The following VWA3B variants were observed in gnomAD, a reference collection of about 807,000 sequenced individuals.
VWA3B encodes the protein von Willebrand factor A domain-containing protein 3B.
Under a neutral mutation model 158.3 loss-of-function variants are expected in VWA3B, and 138 were observed. That is an observed-to-expected ratio of 0.87 (90% confidence interval 0.76 to 1.00). VWA3B has a LOEUF of 1.00. VWA3B is among the 50% of genes least tolerant of loss of function. The probability of loss-of-function intolerance (pLI) is 0.00; values close to 1 mark genes in which losing one functional copy is unlikely to be tolerated. For missense variants in VWA3B, 1,555 were observed against 1,565.1 expected (o/e 0.99, Z 0.11); for synonymous variants, 596 against 587.3 (o/e 1.01, Z -0.21).
intron 2 of VWA3B, among the ~76,000 whole-genome samples, chr2:98,099,950 C>T (rs1682970257): frequency 2.6e-5 from 4 of 152,010 alleles, no homozygotes; most frequent in African/African-American, 7.2e-5. Flanking sequence ...ATTCTGGTAA[C>T]TTATGGTTTT....
At chr2:98,232,100 C>CATGG (rs1247467688) in intron 16 of VWA3B, among the ~76,000 whole-genome samples, 1 of 152,164 alleles carries the variant, frequency 6.6e-6, no homozygotes, top group Non-Finnish European at 1.5e-5. Context: ...GTAGAGTTAT[C>CATGG]ATGGAGCCAT....
intron 7 of VWA3B, among the ~76,000 whole-genome samples, chr2:98,156,252 T>C (rs918961907): frequency 5.9e-5 from 9 of 152,194 alleles, no homozygotes; most frequent in Admixed American, 5.2e-4. Flanking sequence ...TCCAAGTAGA[T>C]TGTCCTACTG....
At chr2:98,180,471 C>T (rs938800180) in intron 8 of VWA3B, among the ~76,000 whole-genome samples, 8 of 152,242 alleles carry the variant, frequency 5.3e-5, no homozygotes, top group African/African-American at 9.6e-5. Flanking sequence ...GGATTATTGG[C>T]GTGAGCCACC....
chr2:98,163,130 T>G (rs563641804), intron 8 of VWA3B, among the ~76,000 whole-genome samples, 154 bp downstream of exon 8: 1 of 150,750 alleles, frequency 6.6e-6, no homozygotes, highest in African/African-American at 2.4e-5. Flanking sequence ...GGGTGAGGGG[T>G]GGGGAGGGGG....
At chr2:98,163,193 G>T (rs1678779376) in intron 8 of VWA3B, among the ~76,000 whole-genome samples, 1 of 152,134 alleles carries the variant, frequency 6.6e-6, no homozygotes. Context: ...GTGCTCACAT[G>T]TGTGCATATG....
chr2:98,284,227 C>G (rs991004886), intron 22 of VWA3B, among the ~76,000 whole-genome samples: 5 of 152,208 alleles, frequency 3.3e-5, no homozygotes, highest in Admixed American at 3.3e-4. Flanking sequence ...TGTAAGAGAC[C>G]TTAACCCCTC....
chr2:98,262,399 A>G (rs554128319), intron 21 of VWA3B, among the ~76,000 whole-genome samples: 2 of 151,904 alleles, frequency 1.3e-5, no homozygotes, highest in East Asian at 3.9e-4. Context: ...TTCTTCTAGG[A>G]GTTGTATAGG....
chr2:98,133,995 C>T (rs754106119), intron 7 of VWA3B, 56 bp downstream of exon 7: 26 of 1,435,756 alleles, frequency 1.8e-5, no homozygotes, highest in Non-Finnish European at 2.6e-5. Flanking sequence ...CCTCAGACGA[C>T]GTGGATCATT....
chr2:98,303,060 T>C (rs1349588649), intron 25 of VWA3B, among the ~76,000 whole-genome samples: 1 of 152,176 alleles, frequency 6.6e-6, no homozygotes, highest in African/African-American at 2.4e-5. Flanking sequence ...TTCCCCTTCC[T>C]GATGTGTGGG....
At chr2:98,313,876 A>G (rs1048410212), downstream of VWA3B, among the ~76,000 whole-genome samples, 3 of 152,250 alleles carry the variant, frequency 2.0e-5, no homozygotes, top group Admixed American at 6.5e-5. Context: ...TGATGTGTTC[A>G]ATGATAGTGC....
At chr2:98,107,250 G>A (rs911947397) in intron 2 of VWA3B, among the ~76,000 whole-genome samples, 2 of 151,784 alleles carry the variant, frequency 1.3e-5, no homozygotes, top group Admixed American at 6.6e-5. Context: ...GTTGTGTTAC[G>A]GATTTTTGCA....
chr2:98,153,787 A>G (rs1375313248), intron 7 of VWA3B, among the ~76,000 whole-genome samples: 6 of 152,238 alleles, frequency 3.9e-5, no homozygotes, highest in Non-Finnish European at 8.8e-5. Flanking sequence ...CCACGTTGCA[A>G]CTGACAAGGC....
chr2:98,260,188 T>A (rs1166179908), intron 21 of VWA3B, among the ~76,000 whole-genome samples: 1 of 151,810 alleles, frequency 6.6e-6, no homozygotes, highest in Non-Finnish European at 1.5e-5. Context: ...TAATGTATAT[T>A]CTGATGTTGC....
chr2:98,145,080 T>C (rs574720092), intron 7 of VWA3B, among the ~76,000 whole-genome samples: 22 of 152,292 alleles, frequency 1.4e-4, no homozygotes, highest in Middle Eastern at 3.4e-3. Context: ...GCCCCCAAAA[T>C]TCTTTTTTGA....
chr2:98,234,285 C>T (rs983933532), intron 16 of VWA3B, among the ~76,000 whole-genome samples: 10 of 152,206 alleles, frequency 6.6e-5, no homozygotes, highest in Non-Finnish European at 1.3e-4. Context: ...TGTGCTATTA[C>T]TGTCTTGAAG....
chr2:98,284,302 G>A (rs1226333858), intron 22 of VWA3B, among the ~76,000 whole-genome samples: 7 of 152,090 alleles, frequency 4.6e-5, no homozygotes, highest in Admixed American at 6.6e-5. Context: ...GTTATAAACC[G>A]TATTTCCGCT....
At position 98,236,577 on chromosome 2, in the gene VWA3B, T is replaced by A. The variant is rs1574160737; in HGVS notation, c.2520T>A (p.Ser840=). The A allele has an allele frequency of 6.2e-7, 1 of 1,614,220 alleles. No homozygotes were observed. The highest frequency in any genetic ancestry group is 2.2e-5 in the East Asian group (1 of 44,880). The change falls in exon 19 of 28, where the codon TCT becomes TCA. Residue 840 remains serine, a synonymous_variant. Coordinates refer to ENST00000477737, the MANE Select transcript of VWA3B (RefSeq NM_144992.5). ...CACCACCTCCTTGTGTTCTTAGTTC[T>A]TCAGATGTGTCTTCAGAAAACTGGC... ...REGSQVYDHD[S]SDVSSENWLK...
chr2:98,104,380 T>C (rs1287142554), intron 2 of VWA3B, among the ~76,000 whole-genome samples: 1 of 152,180 alleles, frequency 6.6e-6, no homozygotes, highest in African/African-American at 2.4e-5. Context: ...AGAGTTGGTG[T>C]GTGCAGATCA....
intron 8 of VWA3B, among the ~76,000 whole-genome samples, chr2:98,163,334 T>G (rs1250072046): frequency 2.0e-5 from 3 of 152,050 alleles, no homozygotes; most frequent in Non-Finnish European, 4.4e-5. Context: ...GGTCAGGAGA[T>G]CGAGACCATC....
Sources: allele counts gnomAD v4.1 joint callset (sites outside exome capture counted in the v4.1 genomes callset), GRCh38; gene constraint gnomAD v4.1.1; transcripts MANE v1.5; gene names NCBI Gene and HGNC (gene_info 2026-07-23, HGNC 2026-07-21).